The following ADGRL3 variants were observed in gnomAD, a reference collection of about 807,000 sequenced individuals.
ADGRL3 encodes calcium-independent alpha-latrotoxin receptor 3.
ADGRL3 carries 62 observed loss-of-function variants against 153.5 expected under a neutral mutation model. The observed-to-expected ratio is 0.40, with a 90% CI of 0.33 to 0.50. ADGRL3 has a LOEUF of 0.50. Among genes scored for constraint, ADGRL3 ranks in the 20% least tolerant of loss-of-function variants. The pLI, the probability that ADGRL3 is intolerant of heterozygous loss-of-function variation, is 0.47. For synonymous variants in ADGRL3, 710 were observed against 672.5 expected, an observed-to-expected ratio of 1.06 and a Z score of -0.86; for missense variants, 1,641 against 1,859.4, an observed-to-expected ratio of 0.88 and a Z score of 2.16.
intron 4 of ADGRL3, among the ~76,000 whole-genome samples, chr4:61,531,768 T>TTTTTTTTTTTTTTTTTTTTTTTGAG (rs2098617759): frequency 6.6e-6 from 1 of 152,148 alleles, no homozygotes; most frequent in African/African-American, 2.4e-5. Context: ...TCTAAATTTC[T>TTTTTTTTTTTTTTTTTTTTTTTGAG]AATAGTACAC....
At chr4:61,568,719 A>G (rs1027723320) in intron 4 of ADGRL3, among the ~76,000 whole-genome samples, 2 of 152,112 alleles carry the variant, frequency 1.3e-5, no homozygotes, top group South Asian at 2.1e-4. Context: ...ATTCTGCACT[A>G]TTTGATCCTA....
intron 5 of ADGRL3, among the ~76,000 whole-genome samples, chr4:61,622,711 TTG>T (rs2092601725): frequency 6.6e-6 from 1 of 152,138 alleles, no homozygotes. Flanking sequence ...TAGATACAAA[TTG>T]TGTTTCTATT....
chr4:61,776,578 T>A (rs949071624), intron 8 of ADGRL3, among the ~76,000 whole-genome samples: 4 of 152,168 alleles, frequency 2.6e-5, no homozygotes, highest in Non-Finnish European at 4.4e-5. Context: ...TACTGAATTT[T>A]AAAAAATATA....
intron 1 of ADGRL3, among the ~76,000 whole-genome samples, chr4:61,316,413 AT>A (rs1275204638): frequency 6.6e-6 from 1 of 152,138 alleles, no homozygotes; most frequent in African/African-American, 2.4e-5. Flanking sequence ...AGAAATTTGG[AT>A]TTTTTAAAAT....
chr4:62,052,235 G>T (rs1450055720), intron 25 of ADGRL3, among the ~76,000 whole-genome samples: 1 of 151,458 alleles, frequency 6.6e-6, no homozygotes, highest in African/African-American at 2.4e-5. Flanking sequence ...TTCATATAAT[G>T]ACAATTTTTC....
intron 8 of ADGRL3, among the ~76,000 whole-genome samples, chr4:61,789,132 T>A (rs1046078692): frequency 2.0e-5 from 3 of 152,148 alleles, no homozygotes; most frequent in Admixed American, 2.0e-4. Flanking sequence ...TTTTTTTACT[T>A]ATTTTTGGGA....
At chr4:62,013,150 T>A (rs2099194390) in intron 21 of ADGRL3, among the ~76,000 whole-genome samples, 1 of 152,128 alleles carries the variant, frequency 6.6e-6, no homozygotes, top group African/African-American at 2.4e-5. Flanking sequence ...AGGTTTGGAA[T>A]TCTGAAATAT....
intron 3 of ADGRL3, among the ~76,000 whole-genome samples, chr4:61,502,661 T>A (rs942832944): frequency 5.3e-5 from 8 of 152,166 alleles, no homozygotes; most frequent in African/African-American, 1.9e-4. Flanking sequence ...ATTTTCACTT[T>A]ATTGTTAATC....
intron 4 of ADGRL3, among the ~76,000 whole-genome samples, chr4:61,568,836 T>A (rs960827940): frequency 2.6e-5 from 4 of 152,146 alleles, no homozygotes; most frequent in Non-Finnish European, 5.9e-5. Context: ...TTCTTCTATG[T>A]CTCTGCCTTC....
At chr4:61,584,470 C>A (rs1353975362) in intron 4 of ADGRL3, among the ~76,000 whole-genome samples, 1 of 151,966 alleles carries the variant, frequency 6.6e-6, no homozygotes, top group African/African-American at 2.4e-5. Flanking sequence ...CAGATTACAG[C>A]TATGTCAATG....
intron 2 of ADGRL3, among the ~76,000 whole-genome samples, chr4:61,440,197 C>A (rs1192896823): frequency 6.6e-6 from 1 of 151,956 alleles, no homozygotes; most frequent in African/African-American, 2.4e-5. Flanking sequence ...CACAGGCATG[C>A]GCCACCACAC....
rs1006573295 is a variant in ADGRL3 at position 61,407,604 on chromosome 4, C to T, written c.-174+24415C>T. 7.2e-5 allele frequency among the ~76,000 whole-genome samples: 11 copies of T among 152,146 alleles called. 1 individual carries two copies. Among genetic ancestry groups the T allele is most frequent in the Non-Finnish European group, 1.6e-4 (11 of 68,000 alleles). The stretch of plus-strand genomic sequence containing the variant: ...AGTTTAACTTGCATCGTTTTACCTG[C>T]CAAACAAAGCTCTGCAGTAACAGAT... On this transcript the variant is annotated intron_variant, in intron 2 of 26. Coordinates refer to ENST00000683033, the MANE Select transcript of ADGRL3 (RefSeq NM_001387552.1).
intron 5 of ADGRL3, among the ~76,000 whole-genome samples, chr4:61,592,402 GA>G (rs2149414644): frequency 6.6e-6 from 1 of 152,168 alleles, no homozygotes; most frequent in East Asian, 1.9e-4. Flanking sequence ...TAACAGATCA[GA>G]AACAATACCT....
rs528155680 is a variant in ADGRL3 at position 61,510,961 on chromosome 4, C to T, written c.56-6354C>T. ...CTTTGAGCAGTGTTTTGTAGTTCTCCTCGTAGAGATCTTTTCACCCCCCTG... is the reference window on the plus strand; with the variant it reads ...CTTTGAGCAGTGTTTTGTAGTTCTCTTCGTAGAGATCTTTTCACCCCCCTG... On this transcript the variant is annotated intron_variant, in intron 3 of 26. Coordinates refer to ENST00000683033, the MANE Select transcript of ADGRL3 (RefSeq NM_001387552.1). Among the ~76,000 whole-genome samples, 147 of 152,150 alleles carry T rather than the reference C, an allele frequency of 9.7e-4. 1 individual carries two copies. The highest frequency in any genetic ancestry group is 1.7e-3 in the Non-Finnish European group (113 of 68,014).
chr4:61,613,001 C>T (rs1290405527), intron 5 of ADGRL3, among the ~76,000 whole-genome samples: 2 of 151,926 alleles, frequency 1.3e-5, no homozygotes, highest in Admixed American at 6.6e-5. Context: ...TTTTAATCAT[C>T]CTAAATCACT....
chr4:61,905,170 A>T lies in ADGRL3; in HGVS notation c.1888-4390A>T, dbSNP rs538796673. 3.9e-5 allele frequency among the ~76,000 whole-genome samples: 6 copies of T among 152,234 alleles called. No homozygotes were observed. The South Asian group carries it at 1.2e-3, about 32-fold the overall frequency. On this transcript the variant is annotated intron_variant, in intron 11 of 26. Coordinates refer to ENST00000683033, the MANE Select transcript of ADGRL3 (RefSeq NM_001387552.1). ...ATTATAGGAATTCCAGCTATCTTAG[A>T]TATTCCTATGCCCAGTGGGGGAGTT...
At chr4:61,928,724 T>A (rs2150071314) in intron 13 of ADGRL3, among the ~76,000 whole-genome samples, 1 of 152,256 alleles carries the variant, frequency 6.6e-6, no homozygotes, top group East Asian at 1.9e-4. Context: ...CTTAACTTCG[T>A]CTCATTCACC....
rs188014444 is a variant in ADGRL3 at position 61,421,115 on chromosome 4, A to T, written c.-174+37926A>T. ...CACCTGAGGCCGAGGTGGGCGGATC[A>T]CGAGGTCAGGAGATCGAGACCATCC... On this transcript the variant is annotated intron_variant, in intron 2 of 26. Coordinates refer to ENST00000683033, the MANE Select transcript of ADGRL3 (RefSeq NM_001387552.1). 2.7e-3 allele frequency among the ~76,000 whole-genome samples: 417 copies of T among 152,240 alleles called. 1 individual carries two copies. Among genetic ancestry groups the T allele is most frequent in the Non-Finnish European group, 5.0e-3 (343 of 68,020 alleles).
At chr4:61,666,422 T>C (rs892013684) in intron 5 of ADGRL3, among the ~76,000 whole-genome samples, 1 of 152,074 alleles carries the variant, frequency 6.6e-6, no homozygotes, top group Non-Finnish European at 1.5e-5. Context: ...AACTAAGTGA[T>C]TCAGTATGAC....
Sources: gnomAD v4.1 joint callset for allele counts (sites outside exome capture counted in the v4.1 genomes callset) on GRCh38, gnomAD v4.1.1 for gene constraint, MANE v1.5 for transcripts, NCBI Gene and HGNC (gene_info 2026-07-23, HGNC 2026-07-21) for gene names.